Variants in RBBP8 observed in about 807,000 individuals in gnomAD.
RBBP8 encodes RB binding protein 8, endonuclease, also known as DNA endonuclease RBBP8.
RBBP8 carries 88 observed loss-of-function variants against 108.3 expected under a neutral mutation model. The ratio of observed to expected loss-of-function variants is 0.81; its 90% confidence interval spans 0.68 to 0.97. The LOEUF (loss-of-function observed/expected upper bound fraction) is 0.97. RBBP8 is among the 50% of genes least tolerant of loss of function. The pLI, the probability that RBBP8 is intolerant of heterozygous loss-of-function variation, is 0.00. For missense variants in RBBP8, 1,023 were observed against 1,049.0 expected (o/e 0.98, Z 0.34); for synonymous variants, 332 against 348.2 (o/e 0.95, Z 0.52).
At chr18:22,965,214 T>C (rs1275418766) in intron 4 of RBBP8, among the ~76,000 whole-genome samples, 1 of 152,168 alleles carries the variant, frequency 6.6e-6, no homozygotes, top group Non-Finnish European at 1.5e-5. Context: ...CTTTTTTTAA[T>C]GTTTTGTTTG....
chr18:22,920,810 G>T (rs375887626), intron 3 of RBBP8: 1 of 152,094 alleles, frequency 6.6e-6, no homozygotes, highest in Non-Finnish European at 1.5e-5. Context: ...CATTCCAAAC[G>T]TATCACATTA....
At position 22,961,029 on chromosome 18, in the gene RBBP8, A is replaced by G. The variant is rs190798993; in HGVS notation, c.249-7777A>G. Reference sequence around the variant, plus strand: ...CAGTGACATGATTTTTCAAAATTGTAAAGATTATTGGTAAATAGGAACAGT... The same window carrying G: ...CAGTGACATGATTTTTCAAAATTGTGAAGATTATTGGTAAATAGGAACAGT... On this transcript the variant is annotated intron_variant, in intron 4 of 18. Coordinates refer to ENST00000327155, the MANE Select transcript of RBBP8 (RefSeq NM_002894.3). Among the ~76,000 whole-genome samples, 7 of 152,358 alleles carry G rather than the reference A, an allele frequency of 4.6e-5. No homozygotes were observed. In the East Asian group the frequency reaches 1.3e-3, roughly 29 times the overall value.
intron 3 of RBBP8, among the ~76,000 whole-genome samples, chr18:22,921,564 G>A (rs1485284873): frequency 6.6e-6 from 1 of 152,148 alleles, no homozygotes; most frequent in Non-Finnish European, 1.5e-5. Context: ...CATGTTATAG[G>A]ACAAATGTGG....
chr18:22,957,291 C>CTTTTTTTTTTTTTTTTTTTTTTTT (rs11418623), intron 4 of RBBP8, among the ~76,000 whole-genome samples: 2 of 92,874 alleles, frequency 2.2e-5, no homozygotes, highest in African/African-American at 4.4e-5. Flanking sequence ...ATTACTTTTT[C>CTTTTTTTTTTTTTTTTTTTTTTTT]TTTTTTTTTT....
intron 15 of RBBP8, among the ~76,000 whole-genome samples, chr18:23,005,293 C>T (rs1011092319): frequency 6.6e-6 from 1 of 152,150 alleles, no homozygotes; most frequent in Non-Finnish European, 1.5e-5. Flanking sequence ...TGAATGTTCC[C>T]AACACAAAGA....
chr18:22,916,083 G>T (rs1909344398), intron 2 of RBBP8, among the ~76,000 whole-genome samples: 1 of 152,022 alleles, frequency 6.6e-6, no homozygotes, highest in Admixed American at 6.6e-5. Flanking sequence ...AATCAAATTA[G>T]GAGTGTGTAT....
intron 13 of RBBP8, 40 bp downstream of exon 13, chr18:22,996,502 T>G (rs768055208): frequency 1.2e-6 from 2 of 1,605,056 alleles, no homozygotes; most frequent in African/African-American, 2.7e-5. Context: ...TTGACTTTTA[T>G]TCCAATGAGT....
At chr18:22,923,413 A>G (rs1909672268) in intron 3 of RBBP8, among the ~76,000 whole-genome samples, 1 of 152,204 alleles carries the variant, frequency 6.6e-6, no homozygotes, top group Admixed American at 6.5e-5. Flanking sequence ...GCCTTTGCAC[A>G]TGCCTTCTGC....
At position 22,993,797 on chromosome 18, in the gene RBBP8, A is replaced by G; in HGVS notation, c.1889A>G (p.Gln630Arg). ...HGGCELASVL[Q>R]LNPCRTGKIK... ...GGATGTGAACTTGCATCAGTTCTTC[A>G]GTTAAATCCATGTAGAACTGGTAAA... is the stretch of plus-strand genomic sequence containing the variant. The change falls in exon 12 of 19, where the codon CAG becomes CGG. Residue 630 changes from glutamine (Q) to arginine (R), a missense_variant. Physicochemically the swap from Gln to Arg is conservative, Grantham distance 43 (BLOSUM62 1). Coordinates refer to ENST00000327155, the MANE Select transcript of RBBP8 (RefSeq NM_002894.3). 2 of 1,613,884 alleles carry G rather than the reference A, an allele frequency of 1.2e-6. No homozygotes were observed. The highest frequency in any genetic ancestry group is 1.7e-6 in the Non-Finnish European group (2 of 1,179,786).
intron 10 of RBBP8, among the ~76,000 whole-genome samples, chr18:22,992,341 G>A (rs945589578): frequency 5.3e-5 from 8 of 152,176 alleles, no homozygotes; most frequent in South Asian, 2.1e-4. Flanking sequence ...GATTACTGGC[G>A]TGTGCCACCA....
At chr18:22,917,174 C>A (rs1368914282) in intron 3 of RBBP8, 1 of 152,126 alleles carries the variant, frequency 6.6e-6, no homozygotes, top group Non-Finnish European at 1.5e-5. Flanking sequence ...CTACTAATTA[C>A]CTTATCTTAT....
At chr18:22,974,184 T>G (rs1914333657) in intron 5 of RBBP8, among the ~76,000 whole-genome samples, 1 of 152,212 alleles carries the variant, frequency 6.6e-6, no homozygotes, top group South Asian at 2.1e-4. Context: ...CTAAAACACA[T>G]GCTTAACCAG....
intron 4 of RBBP8, among the ~76,000 whole-genome samples, chr18:22,951,250 A>G (rs1435161865): frequency 3.9e-5 from 6 of 152,212 alleles, no homozygotes; most frequent in Non-Finnish European, 8.8e-5. Context: ...CATGGATTAA[A>G]TGAGACAGTG....
intron 1 of RBBP8, among the ~76,000 whole-genome samples, chr18:22,935,958 C>T (rs552034618): frequency 2.4e-4 from 36 of 152,156 alleles, no homozygotes; most frequent in Admixed American, 2.1e-3. Context: ...TATACAGATC[C>T]TCATCTGTGT....
At chr18:22,969,067 A>G (rs568560086) in intron 5 of RBBP8, 149 bp downstream of exon 5, 3 of 637,288 alleles carry the variant, frequency 4.7e-6, no homozygotes, top group South Asian at 3.8e-5. Context: ...TACTTTTTGT[A>G]GATTTAATCT....
In RBBP8 at chr18:22,997,708, A is replaced by G; in HGVS notation, c.2117A>G (p.Gln706Arg). Residue 706 changes from glutamine (Q) to arginine (R), a missense_variant, in exon 14 of 19, where the codon CAA becomes CGA. Transcript: ENST00000327155. ...SETVLLKMKKQEQKGEKSSNE... is the reference protein window; with the variant it reads ...SETVLLKMKKREQKGEKSSNE... ...ACCGTTCTCTTAAAAATGAAGAAGC[A>G]AGAGCAGAAGGGAGAAAAAAGTTCA... 6.2e-6 allele frequency: 10 copies of G among 1,602,316 alleles called. No homozygotes were observed. The highest frequency in any genetic ancestry group is 1.7e-5 in the Admixed American group (1 of 59,590).
intron 18 of RBBP8, among the ~76,000 whole-genome samples, chr18:23,022,646 T>TAAAATAAAATAAATAAAATATAAAA (rs1437856449): frequency 3.4e-5 from 1 of 29,080 alleles, no homozygotes; most frequent in African/African-American, 9.1e-5. Context: ...ATAAATAAAA[T>TAAAATAAAATAAATAAAATATAAAA]ACAATATAAA....
chr18:22,965,279 A>G (rs1444197612), intron 4 of RBBP8, among the ~76,000 whole-genome samples: 1 of 151,538 alleles, frequency 6.6e-6, no homozygotes, highest in Non-Finnish European at 1.5e-5. Context: ...ATACTTGGTT[A>G]TTTGTTATAT....
At chr18:22,981,974 T>A (rs1914960734) in intron 6 of RBBP8, among the ~76,000 whole-genome samples, 1 of 152,220 alleles carries the variant, frequency 6.6e-6, no homozygotes, top group African/African-American at 2.4e-5. Flanking sequence ...TGTCTGCAAT[T>A]TGAAATACTT....
Sources: allele counts gnomAD v4.1 joint callset (sites outside exome capture counted in the v4.1 genomes callset), GRCh38; gene constraint gnomAD v4.1.1; transcripts MANE v1.5; gene names NCBI Gene and HGNC (gene_info 2026-07-23, HGNC 2026-07-21).